Variants in NEO1 observed in about 807,000 individuals in gnomAD.
The protein encoded by NEO1 is neogenin 1.
In NEO1, 63 loss-of-function variants were observed where a neutral mutation model predicts 159.7. The observed-to-expected ratio is 0.39, with a 90% confidence interval of 0.32 to 0.49. NEO1 has a LOEUF of 0.49. Ranked by LOEUF, NEO1 falls within the 20% of genes least tolerant of loss-of-function variation. The probability of loss-of-function intolerance (pLI) is 0.85; values close to 1 mark genes in which losing one functional copy is unlikely to be tolerated. For synonymous variants in NEO1, 633 were observed against 662.0 expected (o/e 0.96, Z 0.67); for missense variants, 1,615 against 1,831.0 (o/e 0.88, Z 2.15).
At chr15:73,292,663 A>C (rs1237916499) in intron 25 of NEO1, among the ~76,000 whole-genome samples, 1 of 152,244 alleles carries the variant, frequency 6.6e-6, no homozygotes, top group East Asian at 1.9e-4. Context: ...ATCCTTAGCC[A>C]GTGTGGGAAG....
At chr15:73,165,333 G>A (rs776986884) in intron 5 of NEO1, among the ~76,000 whole-genome samples, 1 of 152,046 alleles carries the variant, frequency 6.6e-6, no homozygotes, top group Non-Finnish European at 1.5e-5. Context: ...TCTGTGTTCT[G>A]TACACCTTTT....
intron 27 of NEO1, among the ~76,000 whole-genome samples, chr15:73,299,673 C>G (rs1420654763): frequency 6.6e-6 from 1 of 152,244 alleles, no homozygotes; most frequent in Non-Finnish European, 1.5e-5. Context: ...GCGTGAGCCA[C>G]TGCGCCCAGC....
chr15:73,094,239 T>C (rs1333763835), intron 1 of NEO1, among the ~76,000 whole-genome samples: 1 of 152,196 alleles, frequency 6.6e-6, no homozygotes, highest in Admixed American at 6.5e-5. Context: ...ACTGTCCATT[T>C]CTCATGTTCC....
chr15:73,279,214 T>C (rs2041559720), intron 22 of NEO1, among the ~76,000 whole-genome samples: 1 of 152,234 alleles, frequency 6.6e-6, no homozygotes, highest in Admixed American at 6.5e-5. Flanking sequence ...GAGTTTCTTC[T>C]TCTCCATGTG....
At chr15:73,185,404 C>T (rs2035864678) in intron 7 of NEO1, among the ~76,000 whole-genome samples, 1 of 151,844 alleles carries the variant, frequency 6.6e-6, no homozygotes. Flanking sequence ...GTACCTTATG[C>T]TCAGTTTTGC....
chr15:73,056,847 C>G (rs1400569858), intron 1 of NEO1, among the ~76,000 whole-genome samples: 3 of 152,122 alleles, frequency 2.0e-5, no homozygotes, highest in African/African-American at 7.2e-5. Context: ...CTTACTGAGT[C>G]ATCTAAAAGA....
chr15:73,281,420 A>AT (rs937847166), intron 22 of NEO1, among the ~76,000 whole-genome samples: 2 of 151,356 alleles, frequency 1.3e-5, no homozygotes, highest in African/African-American at 2.4e-5. Flanking sequence ...TGCCCGGCTA[A>AT]TTTTTTTGAA....
At chr15:73,059,114 A>G (rs1316801402) in intron 1 of NEO1, among the ~76,000 whole-genome samples, 3 of 152,192 alleles carry the variant, frequency 2.0e-5, no homozygotes, top group Admixed American at 6.5e-5. Context: ...TTTAAGATAC[A>G]GTATTACCAG....
intron 1 of NEO1, among the ~76,000 whole-genome samples, chr15:73,112,047 T>C (rs898747091): frequency 2.6e-5 from 4 of 152,230 alleles, no homozygotes; most frequent in African/African-American, 9.6e-5. Context: ...ATCTTTCCTC[T>C]CCCAGTAACC....
chr15:73,207,452 G>A (rs1332127486), intron 7 of NEO1, among the ~76,000 whole-genome samples: 1 of 152,102 alleles, frequency 6.6e-6, no homozygotes, highest in East Asian at 1.9e-4. Flanking sequence ...CTAATAAGAT[G>A]CCTCCCTTCT....
At chr15:73,135,707 A>G (rs934317683) in intron 4 of NEO1, among the ~76,000 whole-genome samples, 184 bp from the exon 5 acceptor site, 4 of 152,198 alleles carry the variant, frequency 2.6e-5, no homozygotes, top group Non-Finnish European at 5.9e-5. Flanking sequence ...ATGCATGTAA[A>G]ATATGAGCAA....
At chr15:73,214,796 T>TTTTTCTAATTTCGTAAA (rs1236835666) in intron 7 of NEO1, among the ~76,000 whole-genome samples, 1 of 152,196 alleles carries the variant, frequency 6.6e-6, no homozygotes, top group African/African-American at 2.4e-5. Context: ...TTAGAATTGT[T>TTTTTCTAATTTCGTAAA]TTTTCTAATT....
intron 7 of NEO1, among the ~76,000 whole-genome samples, chr15:73,201,062 C>G (rs2036854076): frequency 6.6e-6 from 1 of 152,022 alleles, no homozygotes; most frequent in Non-Finnish European, 1.5e-5. Flanking sequence ...TGTGGCTTCT[C>G]TTTCTTTTTC....
intron 11 of NEO1, among the ~76,000 whole-genome samples, chr15:73,252,600 A>G (rs1448783217): frequency 6.6e-6 from 1 of 152,208 alleles, no homozygotes; most frequent in Non-Finnish European, 1.5e-5. Context: ...ATGTATGTAC[A>G]TCTCATTTTG....
intron 7 of NEO1, 117 bp downstream of exon 7, chr15:73,178,544 C>A: frequency 3.7e-6 from 4 of 1,077,366 alleles, no homozygotes; most frequent in South Asian, 4.9e-5. Flanking sequence ...TGTGGCATAG[C>A]TAAGAGAAAA....
At chr15:73,295,132 A>G (rs2042309257) in intron 26 of NEO1, among the ~76,000 whole-genome samples, 1 of 141,450 alleles carries the variant, frequency 7.1e-6, no homozygotes, top group African/African-American at 2.5e-5. Flanking sequence ...TTAAATATAT[A>G]TATATATATA....
chr15:73,067,881 G>T (rs1430150018), intron 1 of NEO1, among the ~76,000 whole-genome samples: 1 of 152,122 alleles, frequency 6.6e-6, no homozygotes, highest in African/African-American at 2.4e-5. Flanking sequence ...CTCCCAAAGT[G>T]CTGGGATTAC....
intron 7 of NEO1, among the ~76,000 whole-genome samples, chr15:73,215,238 C>T (rs2037807378): frequency 6.6e-6 from 1 of 152,178 alleles, no homozygotes; most frequent in South Asian, 2.1e-4. Flanking sequence ...GACAGTTTGA[C>T]TTCCTCTTTA....
In NEO1 at chr15:73,253,431, G is replaced by A. The variant is rs770918467; in HGVS notation, c.1926G>A (p.Leu642=). 1 of 1,592,058 alleles carries A rather than the reference G, an allele frequency of 6.3e-7. No homozygotes were observed. Among genetic ancestry groups the A allele is most frequent in the African/African-American group, 1.4e-5 (1 of 73,254 alleles). ...VPSAAPQNLS[L]EVRNSKSIMI... is the part of the protein sequence containing the mutation. ...GTGCTGCTCCTCAGAATCTGTCCTT[G>A]GAAGTGAGAAATTCAAAGGTAAAAC... The change falls in exon 12 of 29, where the codon TTG becomes TTA. Residue 642 remains leucine, a synonymous_variant. Transcript: ENST00000261908.
Sources: allele counts gnomAD v4.1 joint callset (sites outside exome capture counted in the v4.1 genomes callset), GRCh38; gene constraint gnomAD v4.1.1; transcripts MANE v1.5; gene names NCBI Gene and HGNC (gene_info 2026-07-23, HGNC 2026-07-21).